Variants in THSD7A observed in about 807,000 individuals in gnomAD.
THSD7A encodes the protein thrombospondin type 1 domain containing 7A.
A neutral mutation model predicts 231.3 loss-of-function variants in THSD7A; 96 were observed. The ratio of observed to expected loss-of-function variants is 0.41; its 90% CI spans 0.35 to 0.49. The LOEUF (loss-of-function observed/expected upper bound fraction) is 0.49, where lower values mean the gene tolerates loss of function less well. Among genes scored for constraint, THSD7A ranks in the 20% least tolerant of loss-of-function variants. The pLI is 0.05. For synonymous variants in THSD7A, 940 were observed against 743.3 expected, an observed-to-expected ratio of 1.26 and a Z score of -4.30; for missense variants, 2,290 against 2,070.2, an observed-to-expected ratio of 1.11 and a Z score of -2.06.
intron 23 of THSD7A, among the ~76,000 whole-genome samples, chr7:11,401,488 C>T (rs1340137432): frequency 3.9e-5 from 6 of 152,258 alleles, no homozygotes; most frequent in Non-Finnish European, 1.5e-5. Flanking sequence ...GCAATCTCGG[C>T]TCACTGCAGT....
chr7:11,702,538 A>G (rs1321602604), intron 1 of THSD7A, among the ~76,000 whole-genome samples: 2 of 151,194 alleles, frequency 1.3e-5, no homozygotes, highest in East Asian at 3.9e-4. Context: ...TAAAGAGCTC[A>G]TATGATGTTT....
chr7:11,538,490 C>T (rs1302888905), intron 6 of THSD7A, among the ~76,000 whole-genome samples: 1 of 152,122 alleles, frequency 6.6e-6, no homozygotes, highest in Non-Finnish European at 1.5e-5. Context: ...AAACAAAATA[C>T]ACTTGCTTTG....
chr7:11,521,614 T>C (rs1788269546), intron 6 of THSD7A, among the ~76,000 whole-genome samples: 2 of 143,418 alleles, frequency 1.4e-5, no homozygotes, highest in South Asian at 4.3e-4. Context: ...TACATATGTA[T>C]ACATGTGCCA....
At chr7:11,390,771 G>A (rs1190149276) in intron 23 of THSD7A, among the ~76,000 whole-genome samples, 1 of 152,220 alleles carries the variant, frequency 6.6e-6, no homozygotes, top group Non-Finnish European at 1.5e-5. Context: ...TTCGGATGGG[G>A]TCTCTGAGTG....
At chr7:11,813,653 C>T (rs183000090) in intron 1 of THSD7A, among the ~76,000 whole-genome samples, 1 of 151,750 alleles carries the variant, frequency 6.6e-6, no homozygotes, top group African/African-American at 2.4e-5. Flanking sequence ...GCAGAGGTTG[C>T]AGTGAGCCGA....
chr7:11,695,689 C>A (rs544397832), intron 1 of THSD7A, among the ~76,000 whole-genome samples: 28 of 151,386 alleles, frequency 1.8e-4, no homozygotes, highest in African/African-American at 6.8e-4. Context: ...GTAATTGGTC[C>A]AAAGATAGTA....
chr7:11,691,907 A>G (rs1309203503), intron 1 of THSD7A, among the ~76,000 whole-genome samples: 2 of 151,584 alleles, frequency 1.3e-5, no homozygotes, highest in African/African-American at 2.4e-5. Flanking sequence ...AATATATAAC[A>G]TTCAGATACC....
At chr7:11,760,579 C>A (rs1583266428) in intron 1 of THSD7A, among the ~76,000 whole-genome samples, 1 of 152,128 alleles carries the variant, frequency 6.6e-6, no homozygotes, top group African/African-American at 2.4e-5. Flanking sequence ...AGAACACCAG[C>A]CTCACAGGAT....
At chr7:11,449,122 C>G (rs1269363092) in intron 11 of THSD7A, among the ~76,000 whole-genome samples, 1 of 152,034 alleles carries the variant, frequency 6.6e-6, no homozygotes, top group Non-Finnish European at 1.5e-5. Flanking sequence ...TACCTATGCC[C>G]TTACTAAACT....
chr7:11,548,421 T>C (rs917462644), intron 4 of THSD7A, among the ~76,000 whole-genome samples: 4 of 152,090 alleles, frequency 2.6e-5, no homozygotes, highest in Admixed American at 6.5e-5. Flanking sequence ...AGTTGAATTC[T>C]ACCATATATA....
chr7:11,739,572 A>T (rs552974093), intron 1 of THSD7A, among the ~76,000 whole-genome samples: 108 of 151,586 alleles, frequency 7.1e-4, no homozygotes, highest in South Asian at 1.9e-3. Context: ...TTTCTTTAAA[A>T]TTTTTTTTTA....
In THSD7A at chr7:11,446,368, A is replaced by G; in HGVS notation, c.2801-44T>C. The G allele has an allele frequency of 1.9e-6, 3 of 1,569,926 alleles. No individual in the cohort carries two copies. The highest frequency in any genetic ancestry group is 1.8e-4 in the Middle Eastern group (1 of 5,446). On this transcript the variant is annotated intron_variant, in intron 12 of 27. Coordinates refer to ENST00000423059, the MANE Select transcript of THSD7A (RefSeq NM_015204.3). The surrounding 1 kb of genome is among the most constrained non-coding windows in gnomAD (Gnocchi z 4.0). ...CAGGCAATTTAAGTTGGAAAATACC[A>G]TCATTAATTTCACACATCCCTAAAT...
chr7:11,513,429 A>C (rs986986649), intron 6 of THSD7A, among the ~76,000 whole-genome samples: 2 of 152,236 alleles, frequency 1.3e-5, no homozygotes, highest in East Asian at 3.8e-4. Context: ...ATGAATAAAC[A>C]AAGTGAGGAA....
At chr7:11,674,794 T>G (rs559955784) in intron 1 of THSD7A, among the ~76,000 whole-genome samples, 2 of 152,218 alleles carry the variant, frequency 1.3e-5, no homozygotes, top group African/African-American at 4.8e-5. Flanking sequence ...ACTAGAACCC[T>G]AGCAATGGAT....
chr7:11,546,755 CT>C (rs1789416936), intron 4 of THSD7A, among the ~76,000 whole-genome samples: 1 of 152,102 alleles, frequency 6.6e-6, no homozygotes, highest in African/African-American at 2.4e-5. Context: ...AATTCAGAGT[CT>C]GGATGGCAAT....
intron 4 of THSD7A, among the ~76,000 whole-genome samples, chr7:11,569,651 T>C (rs1790536238): frequency 6.6e-6 from 1 of 152,180 alleles, no homozygotes; most frequent in African/African-American, 2.4e-5. Context: ...CCATACAATC[T>C]AGCAATCCTA....
intron 1 of THSD7A, among the ~76,000 whole-genome samples, chr7:11,651,080 T>G (rs1461844640): frequency 6.6e-6 from 1 of 152,000 alleles, no homozygotes; most frequent in Admixed American, 6.6e-5. Context: ...GACAAAAATG[T>G]GATATACATA....
chr7:11,749,736 A>G (rs370010800), intron 1 of THSD7A, among the ~76,000 whole-genome samples: 40 of 152,152 alleles, frequency 2.6e-4, no homozygotes, highest in African/African-American at 9.6e-4. Flanking sequence ...GCAAAGGTGT[A>G]ACACAGATAG....
At chr7:11,663,361 T>C (rs145977073) in intron 1 of THSD7A, among the ~76,000 whole-genome samples, 1 of 151,618 alleles carries the variant, frequency 6.6e-6, no homozygotes, top group East Asian at 1.9e-4. Flanking sequence ...CAATCTATAA[T>C]GAAAACATGT....
Sources: allele counts gnomAD v4.1 joint callset (sites outside exome capture counted in the v4.1 genomes callset), GRCh38; gene constraint gnomAD v4.1.1; non-coding constraint Gnocchi (gnomAD v3.1); transcripts MANE v1.5; gene names NCBI Gene and HGNC (gene_info 2026-07-23, HGNC 2026-07-21).